ADRB3: variants seen among roughly 807,000 people sequenced by gnomAD.
The protein encoded by ADRB3 is adrenoceptor beta 3, also known as beta-3 adrenergic receptor.
ADRB3 carries 33 observed loss-of-function variants against 23.8 expected under a neutral mutation model. The ratio of observed to expected loss-of-function variants is 1.38; its 90% CI spans 1.05 to 1.85. ADRB3 has a LOEUF of 1.85. Ranked by LOEUF, ADRB3 falls within the 40% of genes most tolerant of loss-of-function variation. The pLI is 0.00. For synonymous variants in ADRB3, 289 were observed against 273.0 expected (o/e 1.06, Z -0.58); for missense variants, 600 against 579.6 (o/e 1.04, Z -0.36).
rs1032410713 is a variant in ADRB3, at chr8:37,965,917, C to A, written c.553G>T (p.Glu185Ter). 2 of 1,551,936 alleles carry A rather than the reference C, an allele frequency of 1.3e-6. No individual in the cohort carries two copies. Among genetic ancestry groups the A allele is most frequent in the African/African-American group, 2.7e-5 (2 of 73,212 alleles). Residue 185 changes from glutamate (E) to a stop codon, truncating the protein, a stop_gained, in exon 1 of 2, where the codon GAG becomes TAG. Transcript: ENST00000345060. LOFTEE classifies it high-confidence loss of function. Reference protein sequence around the residue: ...SQWWRVGADAEAQRCHSNPRC... With the variant: ...SQWWRVGADA ...GGGTTGGAGTGGCAGCGCTGCGCCT[C>A]GGCGTCGGCCCCTACGCGCCACCAC...
rs1302731038 is a variant in ADRB3 at position 37,966,076 on chromosome 8, C to T, written c.394G>A (p.Ala132Thr). 6.2e-7 allele frequency: 1 copy of T among 1,607,820 alleles called. No homozygotes were observed. The highest frequency in any genetic ancestry group is 1.7e-5 in the Admixed American group (1 of 58,882). Reference protein sequence around the residue: ...TASIETLCALAVDRYLAVTNP... With the variant: ...TASIETLCALTVDRYLAVTNP... Reference sequence around the variant, plus strand: ...GTCACAGCCAGGTAGCGGTCCACGGCCAGGGCGCACAGGGTTTCGATGCTG... The same window carrying T: ...GTCACAGCCAGGTAGCGGTCCACGGTCAGGGCGCACAGGGTTTCGATGCTG... Residue 132 changes from alanine (A) to threonine (T), a missense_variant, in exon 1 of 2, where the codon GCC becomes ACC. By Grantham distance (58) the Ala-to-Thr change is moderately conservative (BLOSUM62 0). Transcript: ENST00000345060.
rs1398011190 is a variant in ADRB3 at position 37,964,034 on chromosome 8, G to C, written c.*184C>G. The stretch of plus-strand genomic sequence containing the variant: ...GGGTTTAGAAAACATCTCTCAGACA[G>C]AGAGCAAGAGGATGGTGAAAACCCA... On this transcript the variant is annotated 3_prime_UTR_variant, in exon 2 of 2. Transcript: ENST00000345060. 6.9e-6 allele frequency: 4 copies of C among 579,460 alleles called. No homozygotes were observed. The highest frequency in any genetic ancestry group is 1.2e-5 in the Non-Finnish European group (4 of 320,026). The allele number at this position is 579,460 out of a possible 1,614,324, so 35.9% of individuals were successfully genotyped here. A position where few individuals can be genotyped will look rare whatever the true frequency, so the allele number is the denominator to read the frequency against.
At position 37,964,226 on chromosome 8, in the gene ADRB3, C is replaced by T. The variant is rs1179323988; in HGVS notation, c.1219G>A (p.Val407Ile). The change falls in exon 2 of 2, where the codon GTT becomes ATT. Residue 407 changes from valine to isoleucine, a missense_variant. By Grantham distance (29) the Val-to-Ile change is conservative. Coordinates refer to ENST00000345060, the MANE Select transcript of ADRB3 (RefSeq NM_000025.3). ...CQRLDGASWG[V>I]S ...CTTCTTGTCCTTCAGGCCTAAGAAA[C>T]TCCCCAAGAAGCCCTGGGAAAAAAA... 1 of 1,613,650 alleles carries T rather than the reference C, an allele frequency of 6.2e-7. No individual in the cohort carries two copies.
chr8:37,966,464 A>T lies in ADRB3; in HGVS notation c.6T>A (p.Ala2=), dbSNP rs1808323657. M[A]PWPHENSSLA... is the part of the protein sequence containing the mutation. Reference sequence around the variant, plus strand: ...GAGAGCTGTTCTCGTGAGGCCACGGAGCCATCCCCGGGTCGCGCGTGGGGC... The same window carrying T: ...GAGAGCTGTTCTCGTGAGGCCACGGTGCCATCCCCGGGTCGCGCGTGGGGC... The change falls in exon 1 of 2, where the codon GCT becomes GCA. Residue 2 remains alanine (A), a synonymous_variant. Coordinates refer to ENST00000345060, the MANE Select transcript of ADRB3 (RefSeq NM_000025.3). 1.3e-6 allele frequency: 2 copies of T among 1,593,370 alleles called. No homozygotes were observed. Among genetic ancestry groups the T allele is most frequent in the Non-Finnish European group, 1.7e-6 (2 of 1,173,406 alleles).
At chr8:37,964,658 G>T (rs925616448) in intron 1 of ADRB3, among the ~76,000 whole-genome samples, 1 of 152,208 alleles carries the variant, frequency 6.6e-6, no homozygotes, top group Admixed American at 6.5e-5. Context: ...CCGACCCGGC[G>T]CCCTGGCTCC....
Position 37,966,262 on chromosome 8 carries a change from T to C in ADRB3, c.208A>G (p.Thr70Ala), listed in dbSNP as rs1487575601. The change falls in exon 1 of 2, where the codon ACC becomes GCC. Residue 70 changes from threonine (T) to alanine (A), a missense_variant. By Grantham distance (58) the Thr-to-Ala change is moderately conservative. Coordinates refer to ENST00000345060, the MANE Select transcript of ADRB3 (RefSeq NM_000025.3). ...VAIAWTPRLQ[T>A]MTNVFVTSLA... ...GAAGTCACGAACACGTTGGTCATGG[T>C]CTGGAGTCTCGGAGTCCAGGCGATG... The C allele has an allele frequency of 2.5e-6, 4 of 1,613,530 alleles. No homozygotes were observed. In the South Asian group the frequency reaches 4.4e-5, roughly 18 times the overall value.
chr8:37,965,035 G>T (rs896492715), intron 1 of ADRB3: 5 of 495,998 alleles, frequency 1.0e-5, no homozygotes, highest in Non-Finnish European at 1.4e-5. Flanking sequence ...TGGGTCCTTG[G>T]GTGAGGAACG....
Position 37,963,536 on chromosome 8 carries a change from A to G in ADRB3, c.*682T>C, listed in dbSNP as rs199764189. The G allele has an allele frequency of 6.6e-6, 1 of 152,584 alleles. No individual in the cohort carries two copies. Among genetic ancestry groups the G allele is most frequent in the Non-Finnish European group, 1.5e-5 (1 of 68,100 alleles). 9.5% of individuals were successfully genotyped at this position (152,584 alleles called of 1,614,324 possible). A position where few individuals can be genotyped will look rare whatever the true frequency, so the allele number is the denominator to read the frequency against. On this transcript the variant is annotated 3_prime_UTR_variant, in exon 2 of 2. Coordinates refer to ENST00000345060, the MANE Select transcript of ADRB3 (RefSeq NM_000025.3). Reference sequence around the variant, plus strand: ...GGAGTAAGTGGATTATGAAAAGAAAACAAACGGAGGGAAAGGGGGCCGAGG... The same window carrying G: ...GGAGTAAGTGGATTATGAAAAGAAAGCAAACGGAGGGAAAGGGGGCCGAGG...
At position 37,966,194 on chromosome 8, in the gene ADRB3, C is replaced by A; in HGVS notation, c.276G>T (p.Pro92=). 1 of 1,611,726 alleles carries A rather than the reference C, an allele frequency of 6.2e-7. No homozygotes were observed. Among genetic ancestry groups the A allele is most frequent in the Non-Finnish European group, 8.5e-7 (1 of 1,179,194 alleles). Reference sequence around the variant, plus strand: ...CAGTCAGCGCCAAGGTGGCCGCCGGCGGCACCACCAGGAGTCCCATCACCA... The same window carrying A: ...CAGTCAGCGCCAAGGTGGCCGCCGGAGGCACCACCAGGAGTCCCATCACCA... ...ADLVMGLLVV[P]PAATLALTGH... The change falls in exon 1 of 2, where the codon CCG becomes CCT. Residue 92 remains proline, a synonymous_variant. Coordinates refer to ENST00000345060, the MANE Select transcript of ADRB3 (RefSeq NM_000025.3).
intron 1 of ADRB3, among the ~76,000 whole-genome samples, chr8:37,964,694 G>A (rs1209424640): frequency 1.1e-4 from 17 of 152,226 alleles, no homozygotes; most frequent in Admixed American, 1.1e-3. Flanking sequence ...TGCTTTGGAA[G>A]GCTGAGGCAG....
In ADRB3 at chr8:37,963,065, A is replaced by G. The variant is rs2130306724; in HGVS notation, c.*1153T>C. The G allele has an allele frequency of 6.6e-6, 1 of 152,286 alleles. No individual in the cohort carries two copies. Among genetic ancestry groups the G allele is most frequent in the African/African-American group, 2.4e-5 (1 of 41,564 alleles). The allele number at this position is 152,286 out of a possible 1,614,324, so 9.4% of individuals were successfully genotyped here. On this transcript the variant is annotated 3_prime_UTR_variant, in exon 2 of 2. Transcript: ENST00000345060. Reference sequence around the variant, plus strand: ...AGCTGGGGAAGGTGAGTGGGAAGGTAGAGGTTGTGGAAAGGCTGGGAAACA... The same window carrying G: ...AGCTGGGGAAGGTGAGTGGGAAGGTGGAGGTTGTGGAAAGGCTGGGAAACA...
rs1005866573 is a variant in ADRB3, at chr8:37,965,763, C to A, written c.707G>T (p.Arg236Leu). The change falls in exon 1 of 2, where the codon CGC becomes CTC. Residue 236 changes from arginine to leucine, a missense_variant. Arg to Leu is a moderately radical substitution (Grantham distance 102, BLOSUM62 -2). Transcript: ENST00000345060. ...RVFVVATRQL[R>L]LLRGELGRFP... is the part of the protein sequence containing the mutation. ...GCGGCCCAGCTCCCCGCGCAGCAAG[C>A]GCAGCTGGCGCGTAGCCACCACGAA... 1.9e-6 allele frequency: 3 copies of A among 1,550,514 alleles called. No homozygotes were observed. The highest frequency in any genetic ancestry group is 2.0e-5 in the Admixed American group (1 of 51,010).
Position 37,966,413 on chromosome 8 carries a change from G to T in ADRB3, c.57C>A (p.Thr19=), listed in dbSNP as rs201031255. The change falls in exon 1 of 2, where the codon ACC becomes ACA. Residue 19 remains threonine, a synonymous_variant. Transcript: ENST00000345060. ...TGGTGTTGGCGGTATTGGGCGCCAG[G>T]GTGGGGAGGTCCGGCCATGGGGCAA... The part of the protein sequence containing the change: ...SSLAPWPDLP[T]LAPNTANTSG... 1 of 1,608,464 alleles carries T rather than the reference G, an allele frequency of 6.2e-7. No homozygotes were observed. The highest frequency in any genetic ancestry group is 2.2e-5 in the East Asian group (1 of 44,728).
chr8:37,965,195 A>G, intron 1 of ADRB3, 70 bp downstream of exon 1: 1 of 1,382,444 alleles, frequency 7.2e-7, no homozygotes, highest in Non-Finnish European at 9.4e-7. Flanking sequence ...CACACTCAAA[A>G]AGTTGACCCA....
chr8:37,964,544 G>A (rs1808259521), intron 1 of ADRB3, among the ~76,000 whole-genome samples: 1 of 150,822 alleles, frequency 6.6e-6, no homozygotes, highest in African/African-American at 2.4e-5. Flanking sequence ...TTGGGGGGCG[G>A]GTGGGGGGGC....
At chr8:37,964,381 AC>A (rs888534295) in intron 1 of ADRB3, 142 bp from the exon 2 acceptor site, 4 of 696,376 alleles carry the variant, frequency 5.7e-6, no homozygotes, top group South Asian at 1.7e-5. Flanking sequence ...CACACGCCCC[AC>A]CCCATCCCTA....
rs1808280172 is a variant in ADRB3, at chr8:37,965,440, G to A, written c.1030C>T (p.Leu344Phe). The A allele has an allele frequency of 2.6e-6, 4 of 1,550,852 alleles. No individual in the cohort carries two copies. The highest frequency in any genetic ancestry group is 3.5e-6 in the Non-Finnish European group (4 of 1,146,960). The change falls in exon 1 of 2, where the codon CTC (leucine) becomes TTC (phenylalanine). Residue 344 changes from leucine (L) to phenylalanine (F), a missense_variant. Leu to Phe is a conservative substitution (Grantham distance 22). Coordinates refer to ENST00000345060, the MANE Select transcript of ADRB3 (RefSeq NM_000025.3). ...AAGTCCGGGCTGCGGCAGTAGATGA[G>A]CGGGTTGAAGGCAGAATTGGCATAA... ...LGYANSAFNP[L>F]IYCRSPDFRS...
chr8:37,964,836 G>A, intron 1 of ADRB3: 1 of 173,638 alleles, frequency 5.8e-6, no homozygotes, highest in Non-Finnish European at 1.2e-5. Flanking sequence ...GGAGGCTGAG[G>A]TGGGAGGATC....
At position 37,965,881 on chromosome 8, in the gene ADRB3, C is replaced by T. The variant is rs757336740; in HGVS notation, c.589G>A (p.Ala197Thr). 6.4e-7 allele frequency: 1 copy of T among 1,553,122 alleles called. No individual in the cohort carries two copies. The highest frequency in any genetic ancestry group is 1.2e-5 in the South Asian group (1 of 84,190). ...ACGTAGGGCATGTTGGAGGCGAAGG[C>T]ACAGCAGCGCGGGTTGGAGTGGCAG... The part of the protein sequence containing the change: ...QRCHSNPRCC[A>T]FASNMPYVLL... The change falls in exon 1 of 2, where the codon GCC becomes ACC. Residue 197 changes from alanine (A) to threonine (T), a missense_variant. Ala to Thr is a moderately conservative substitution (Grantham distance 58). Coordinates refer to ENST00000345060, the MANE Select transcript of ADRB3 (RefSeq NM_000025.3).
Sources: allele counts gnomAD v4.1 joint callset (sites outside exome capture counted in the v4.1 genomes callset), GRCh38; gene constraint gnomAD v4.1.1; transcripts MANE v1.5; gene names NCBI Gene and HGNC (gene_info 2026-07-23, HGNC 2026-07-21).